Variants in SETBP1 observed in about 807,000 individuals in gnomAD.
SETBP1 encodes SET binding protein 1.
A neutral mutation model predicts 101.0 loss-of-function variants in SETBP1; 9 were observed. The ratio of observed to expected loss-of-function variants is 0.09; its 90% CI spans 0.05 to 0.16. SETBP1 has a LOEUF of 0.16. Among genes scored for constraint, SETBP1 ranks in the 10% least tolerant of loss-of-function variants. The probability of loss-of-function intolerance (pLI) is 1.00; values close to 1 mark genes in which losing one functional copy is unlikely to be tolerated. For missense variants in SETBP1, 1,858 were observed against 2,033.8 expected (o/e 0.91, Z 1.66); for synonymous variants, 818 against 788.5 (o/e 1.04, Z -0.63).
At chr18:44,878,573 A>G (rs1170320181) in intron 3 of SETBP1, among the ~76,000 whole-genome samples, 5 of 152,156 alleles carry the variant, frequency 3.3e-5, no homozygotes, top group Non-Finnish European at 7.4e-5. Context: ...CTGCATAGTA[A>G]ATGCAAATTC....
At chr18:44,858,736 G>A (rs1016752359) in intron 2 of SETBP1, among the ~76,000 whole-genome samples, 3 of 152,122 alleles carry the variant, frequency 2.0e-5, no homozygotes, top group African/African-American at 7.2e-5. Context: ...TGCCACCTGT[G>A]CTCTTTCTAG....
At chr18:44,881,816 C>T (rs993209510) in intron 3 of SETBP1, among the ~76,000 whole-genome samples, 1 of 152,158 alleles carries the variant, frequency 6.6e-6, no homozygotes, top group African/African-American at 2.4e-5. Flanking sequence ...ATATAAAGAG[C>T]ACAGCTGGGT....
intron 2 of SETBP1, among the ~76,000 whole-genome samples, chr18:44,861,529 T>C (rs1289761574): frequency 1.3e-5 from 2 of 152,104 alleles, no homozygotes; most frequent in Non-Finnish European, 2.9e-5. Context: ...TTCAGAATGT[T>C]AGATACAACA....
chr18:44,776,706 CACCTTAA>C (rs1254807050), intron 2 of SETBP1, among the ~76,000 whole-genome samples: 1 of 152,212 alleles, frequency 6.6e-6, no homozygotes, highest in African/African-American at 2.4e-5. Context: ...AAATATAAAA[CACCTTAA>C]ATAATAATGC....
intron 3 of SETBP1, among the ~76,000 whole-genome samples, chr18:44,910,775 G>T (rs1231235556): frequency 6.6e-6 from 1 of 152,128 alleles, no homozygotes; most frequent in African/African-American, 2.4e-5. Flanking sequence ...TTAATAGTGG[G>T]TAGGGTTGTT....
chr18:44,995,733 C>A lies in SETBP1; in HGVS notation c.4000+42393C>A, dbSNP rs532683676. Among the ~76,000 whole-genome samples the A allele has an allele frequency of 1.9e-4, 29 of 152,222 alleles. 1 individual carries two copies. The South Asian group carries it at 5.6e-3, about 29-fold the overall frequency. On this transcript the variant is annotated intron_variant, in intron 4 of 5. Coordinates refer to ENST00000649279, the MANE Select transcript of SETBP1 (RefSeq NM_015559.3). ...TCTGCCAAGGACCTTCTTGGTGCAT[C>A]CTCACATGGTGGAAGGTAAAAAACA... is the stretch of plus-strand genomic sequence containing the variant.
intron 5 of SETBP1, among the ~76,000 whole-genome samples, chr18:45,051,077 C>A (rs980002865): frequency 1.3e-5 from 2 of 152,082 alleles, no homozygotes; most frequent in African/African-American, 4.8e-5. Context: ...ATGATCCAGG[C>A]CCTTATTTAT....
intron 3 of SETBP1, among the ~76,000 whole-genome samples, chr18:44,890,258 C>G (rs757633632): frequency 3.3e-5 from 5 of 152,072 alleles, no homozygotes; most frequent in Non-Finnish European, 7.4e-5. Flanking sequence ...AACCCCTCAC[C>G]CCACCCCCAA....
intron 2 of SETBP1, among the ~76,000 whole-genome samples, chr18:44,809,520 T>A (rs1599157828): frequency 6.6e-6 from 1 of 152,156 alleles, no homozygotes; most frequent in African/African-American, 2.4e-5. Flanking sequence ...AAGGGATATA[T>A]GGGGAACCAG....
chr18:44,787,325 A>G (rs1403031220), intron 2 of SETBP1, among the ~76,000 whole-genome samples: 1 of 152,218 alleles, frequency 6.6e-6, no homozygotes, highest in Non-Finnish European at 1.5e-5. Context: ...GAGTCTTCAC[A>G]AACAGGAACT....
chr18:44,961,791 T>G (rs2071617542), intron 4 of SETBP1, among the ~76,000 whole-genome samples: 1 of 152,210 alleles, frequency 6.6e-6, no homozygotes, highest in Non-Finnish European at 1.5e-5. Context: ...ATATGATGAC[T>G]ATTTGAAAAT....
chr18:44,872,009 A>G (rs1252354092), intron 3 of SETBP1: 1 of 152,174 alleles, frequency 6.6e-6, no homozygotes, highest in East Asian at 1.9e-4. Context: ...CTCCAAACAC[A>G]TCTCCTTTTA....
chr18:45,010,169 C>T (rs1441994179), intron 4 of SETBP1, among the ~76,000 whole-genome samples: 9 of 152,198 alleles, frequency 5.9e-5, no homozygotes, highest in Admixed American at 5.9e-4. Flanking sequence ...CTTGTTTTGA[C>T]ATGAACTGCT....
chr18:44,813,337 CT>C (rs199911075), intron 2 of SETBP1, among the ~76,000 whole-genome samples: 12 of 151,382 alleles, frequency 7.9e-5, no homozygotes, highest in Non-Finnish European at 1.3e-4. Context: ...AGTAGAAGGG[CT>C]TTTTTTTTCC....
chr18:44,990,688 A>G (rs1387277790), intron 4 of SETBP1, among the ~76,000 whole-genome samples: 4 of 152,060 alleles, frequency 2.6e-5, no homozygotes, highest in African/African-American at 4.8e-5. Flanking sequence ...TTGGCTCTAC[A>G]AAACAAAACA....
chr18:44,697,301 A>G (rs931631834), intron 1 of SETBP1: 4 of 152,294 alleles, frequency 2.6e-5, no homozygotes, highest in African/African-American at 9.6e-5. Context: ...AGGAAGCTAA[A>G]GGAGAACAAC....
chr18:44,798,591 C>T (rs1230694066), intron 2 of SETBP1, among the ~76,000 whole-genome samples: 3 of 152,194 alleles, frequency 2.0e-5, no homozygotes, highest in Admixed American at 1.3e-4. Context: ...TAAAATAGCA[C>T]TTCCCCTTTA....
chr18:44,778,790 T>C (rs188921057), intron 2 of SETBP1, among the ~76,000 whole-genome samples: 1 of 152,330 alleles, frequency 6.6e-6, no homozygotes, highest in Non-Finnish European at 1.5e-5. Flanking sequence ...GAACTTGTCA[T>C]TGTAACCCAA....
chr18:44,762,904 A>G (rs537434527), intron 2 of SETBP1, among the ~76,000 whole-genome samples: 4 of 152,376 alleles, frequency 2.6e-5, no homozygotes, highest in African/African-American at 4.8e-5. Context: ...AAATAGTAAC[A>G]GAGTATTTAT....
Sources: allele counts gnomAD v4.1 joint callset (sites outside exome capture counted in the v4.1 genomes callset), GRCh38; gene constraint gnomAD v4.1.1; transcripts MANE v1.5; gene names NCBI Gene and HGNC (gene_info 2026-07-23, HGNC 2026-07-21).